The following CCNJL variants were observed in gnomAD, a reference collection of about 807,000 sequenced individuals.
CCNJL encodes the protein cyclin J like.
A neutral mutation model predicts 33.4 loss-of-function variants in CCNJL; 33 were observed. That is an observed-to-expected ratio of 0.99 (90% CI 0.75 to 1.32). CCNJL has a LOEUF of 1.32. CCNJL is among the 40% of genes most tolerant of loss of function. The pLI, the probability that CCNJL is intolerant of heterozygous loss-of-function variation, is 0.00. For synonymous variants in CCNJL, 227 were observed against 220.9 expected (o/e 1.03, Z -0.24); for missense variants, 512 against 499.7 (o/e 1.02, Z -0.23).
chr5:160,268,679 CTCCCCTTAAG>C (rs1761708304), intron 3 of CCNJL, among the ~76,000 whole-genome samples: 1 of 152,136 alleles, frequency 6.6e-6, no homozygotes, highest in African/African-American at 2.4e-5. Flanking sequence ...GCCAGGTAGC[CTCCCCTTAAG>C]TCCCCTTAAG....
At chr5:160,301,526 C>T (rs1314386454) in intron 2 of CCNJL, among the ~76,000 whole-genome samples, 4 of 151,690 alleles carry the variant, frequency 2.6e-5, no homozygotes, top group African/African-American at 7.3e-5. Flanking sequence ...CTCTGCCTCG[C>T]GGGTTCAAGC....
intron 2 of CCNJL, among the ~76,000 whole-genome samples, chr5:160,307,083 T>C (rs1220766033): frequency 6.6e-6 from 1 of 152,214 alleles, no homozygotes; most frequent in African/African-American, 2.4e-5. Context: ...AGATGAAGGA[T>C]TCCCAGGAAG....
chr5:160,301,234 C>A (rs985425188), intron 2 of CCNJL, among the ~76,000 whole-genome samples: 2 of 152,114 alleles, frequency 1.3e-5, no homozygotes, highest in Non-Finnish European at 2.9e-5. Flanking sequence ...ATAGACACAA[C>A]GACATGGATG....
chr5:160,320,069 G>C (rs1361986362), intron 1 of CCNJL, among the ~76,000 whole-genome samples: 1 of 152,200 alleles, frequency 6.6e-6, no homozygotes, highest in Non-Finnish European at 1.5e-5. Context: ...TCTAGAAAGT[G>C]TGTGACCCTC....
At chr5:160,318,010 T>G (rs1029925811) in intron 1 of CCNJL, among the ~76,000 whole-genome samples, 8 of 151,648 alleles carry the variant, frequency 5.3e-5, no homozygotes, top group Non-Finnish European at 1.2e-4. Flanking sequence ...CTTCTTTTTC[T>G]TCTTCTTTTT....
intron 2 of CCNJL, 115 bp downstream of exon 2, chr5:160,311,742 GA>G: frequency 6.7e-5 from 64 of 961,116 alleles, no homozygotes; most frequent in Non-Finnish European, 9.0e-5. Context: ...AGGGTAAGAG[GA>G]AAAAAAGGCA....
At chr5:160,329,712 C>G (rs1672884981) in intron 1 of CCNJL, among the ~76,000 whole-genome samples, 1 of 152,144 alleles carries the variant, frequency 6.6e-6, no homozygotes, top group Admixed American at 6.6e-5. Flanking sequence ...ATCCTTGTTT[C>G]TACTTTCTTC....
At position 160,255,481 on chromosome 5, in the gene CCNJL, T is replaced by G. The variant is rs1178556708; in HGVS notation, c.743+68A>C. The G allele has an allele frequency of 2.7e-6, 4 of 1,504,906 alleles. No homozygotes were observed. The East Asian group carries it at 6.8e-5, about 26-fold the overall frequency. The allele number at this position is 1,504,906 out of a possible 1,614,324, so 93.2% of individuals were successfully genotyped here. ...CAGACTCTGGAAACTGCCCGTGGCC[T>G]GAGGCAGGCCTCAAGGCAAGAGGAA... On this transcript the variant is annotated intron_variant, in intron 5 of 5. Coordinates refer to ENST00000257536, the MANE Select transcript of CCNJL (RefSeq NM_001308173.3).
At chr5:160,312,640 G>T (rs1407903164), upstream of CCNJL, 3 of 151,654 alleles carry the variant, frequency 2.0e-5, no homozygotes, top group Non-Finnish European at 4.4e-5. Flanking sequence ...GCGCCCCCGC[G>T]CCCCGCGGGG....
intron 3 of CCNJL, 83 bp from the exon 4 acceptor site, chr5:160,259,854 G>T: frequency 2.7e-6 from 3 of 1,119,808 alleles, no homozygotes; most frequent in Non-Finnish European, 3.9e-6. Context: ...TACAGTGCCT[G>T]GACATTGCTG....
At chr5:160,285,759 A>G (rs1476810264) in intron 2 of CCNJL, among the ~76,000 whole-genome samples, 2 of 152,234 alleles carry the variant, frequency 1.3e-5, no homozygotes, top group Non-Finnish European at 2.9e-5. Flanking sequence ...CCCAGCTTGC[A>G]TGCCCTGTTG....
At chr5:160,297,391 C>T (rs1161175031) in intron 2 of CCNJL, among the ~76,000 whole-genome samples, 2 of 46,022 alleles carry the variant, frequency 4.3e-5, no homozygotes, top group Non-Finnish European at 8.3e-5. Flanking sequence ...CCAGTGACTG[C>T]TTGGCTTCTT....
intron 2 of CCNJL, among the ~76,000 whole-genome samples, chr5:160,297,398 T>TC (rs1554122664): frequency 6.6e-6 from 1 of 151,856 alleles, no homozygotes; most frequent in East Asian, 1.9e-4. Context: ...CTGCTTGGCT[T>TC]CTTCCTAACT....
rs1182217375 is a variant in CCNJL at position 160,251,590 on chromosome 5, C to G, written c.*1788G>C. On this transcript the variant is annotated 3_prime_UTR_variant, in exon 6 of 6. Coordinates refer to ENST00000257536, the MANE Select transcript of CCNJL (RefSeq NM_001308173.3). ...CCCTCTACCATAGGGAGATGCTCACCAGGGCTGATTTGAGAGAGGGAAGGA... is the reference window on the plus strand; with the variant it reads ...CCCTCTACCATAGGGAGATGCTCACGAGGGCTGATTTGAGAGAGGGAAGGA... 1 of 152,256 alleles carries G rather than the reference C, an allele frequency of 6.6e-6. No homozygotes were observed. Among genetic ancestry groups the G allele is most frequent in the East Asian group, 1.9e-4 (1 of 5,188 alleles). The allele number at this position is 152,256 out of a possible 1,614,324, so 9.4% of individuals were successfully genotyped here.
intron 3 of CCNJL, chr5:160,276,260 G>A (rs1415454449): frequency 1.4e-5 from 2 of 141,870 alleles, no homozygotes; most frequent in Non-Finnish European, 3.1e-5. Context: ...CAGGCATAGT[G>A]GGACATACCT....
chr5:160,257,026 ATCAG>A (rs1470419898), intron 4 of CCNJL, among the ~76,000 whole-genome samples: 3 of 152,172 alleles, frequency 2.0e-5, no homozygotes, highest in Non-Finnish European at 2.9e-5. Context: ...AAAATAAAGT[ATCAG>A]TCAGGGTGCT....
At chr5:160,262,248 C>G (rs1382589696) in intron 3 of CCNJL, among the ~76,000 whole-genome samples, 2 of 152,192 alleles carry the variant, frequency 1.3e-5, no homozygotes, top group East Asian at 3.9e-4. Flanking sequence ...AGCCAGCAAT[C>G]TCTTAGAACT....
chr5:160,275,999 G>A (rs772072451), intron 3 of CCNJL, among the ~76,000 whole-genome samples: 1 of 152,186 alleles, frequency 6.6e-6, no homozygotes. Flanking sequence ...TCACTGCAGC[G>A]CTGTTCACAA....
chr5:160,326,575 T>A, intron 1 of CCNJL: 3 of 382,460 alleles, frequency 7.8e-6, no homozygotes, highest in East Asian at 6.3e-5. Context: ...ACTGCCAATA[T>A]AAATTAAATG....
Sources: gnomAD v4.1 joint callset for allele counts (sites outside exome capture counted in the v4.1 genomes callset) on GRCh38, gnomAD v4.1.1 for gene constraint, MANE v1.5 for transcripts, NCBI Gene and HGNC (gene_info 2026-07-23, HGNC 2026-07-21) for gene names.